Variants in LINGO2 observed in about 807,000 individuals in gnomAD.
LINGO2 encodes the protein leucine rich repeat and Ig domain containing 2.
Under a neutral mutation model 30.6 loss-of-function variants are expected in LINGO2, and 14 were observed. The ratio of observed to expected loss-of-function variants is 0.46; its 90% CI spans 0.30 to 0.72. LINGO2 has a LOEUF of 0.72. Among genes scored for constraint, LINGO2 ranks in the 30% least tolerant of loss-of-function variants. The pLI, the probability that LINGO2 is intolerant of heterozygous loss-of-function variation, is 0.07. For missense variants in LINGO2, 729 were observed against 751.7 expected (o/e 0.97, Z 0.35); for synonymous variants, 317 against 288.5 (o/e 1.10, Z -1.00).
At chr9:29,156,521 G>C in the LINGO2 span, among the ~76,000 whole-genome samples, 2 of 151,938 alleles carry the variant, frequency 1.3e-5, no homozygotes, top group Admixed American at 6.6e-5. Flanking sequence ...AATGTATTTT[G>C]GTACATGATT....
chr9:28,149,414 C>A (rs1827919899), intron 4 of LINGO2, among the ~76,000 whole-genome samples: 2 of 151,476 alleles, frequency 1.3e-5, no homozygotes, highest in Non-Finnish European at 2.9e-5. Flanking sequence ...GTAAGGAGCA[C>A]CTCTGCCCAG....
chr9:28,540,872 T>G (rs539665194), intron 1 of LINGO2, among the ~76,000 whole-genome samples: 1 of 152,202 alleles, frequency 6.6e-6, no homozygotes, highest in African/African-American at 2.4e-5. Flanking sequence ...GTACACCAAC[T>G]TAACCTACTG....
intron 4 of LINGO2, among the ~76,000 whole-genome samples, chr9:28,227,447 A>G (rs1821208875): frequency 6.6e-6 from 1 of 152,140 alleles, no homozygotes; most frequent in African/African-American, 2.4e-5. Context: ...TTAAAATAAG[A>G]ATGGTAAATT....
At chr9:28,541,924 G>A (rs1392317633) in intron 1 of LINGO2, among the ~76,000 whole-genome samples, 2 of 152,082 alleles carry the variant, frequency 1.3e-5, no homozygotes, top group Non-Finnish European at 2.9e-5. Context: ...AGCTGAGACA[G>A]GCTGTTTTCA....
the LINGO2 span, among the ~76,000 whole-genome samples, chr9:28,933,920 G>T: frequency 1.3e-5 from 2 of 152,202 alleles, no homozygotes; most frequent in East Asian, 3.9e-4. Context: ...TTATGGAAGT[G>T]TACTCCCATT....
the LINGO2 span, among the ~76,000 whole-genome samples, chr9:29,207,270 G>A: frequency 6.6e-5 from 10 of 152,052 alleles, no homozygotes; most frequent in Middle Eastern, 6.8e-3. Flanking sequence ...GAAGCTCACC[G>A]TTTCAAAATC....
the LINGO2 span, among the ~76,000 whole-genome samples, chr9:29,201,716 G>A: frequency 2.4e-4 from 36 of 152,074 alleles, no homozygotes; most frequent in African/African-American, 7.9e-4. Context: ...TTTATTAGTG[G>A]CTTTTAATTG....
At chr9:29,046,081 A>C in the LINGO2 span, among the ~76,000 whole-genome samples, 1 of 152,150 alleles carries the variant, frequency 6.6e-6, no homozygotes, top group East Asian at 1.9e-4. Flanking sequence ...TCATCTGCAA[A>C]CAGAGAGAGT....
upstream of LINGO2, among the ~76,000 whole-genome samples, chr9:28,673,114 T>A (rs1456696004): frequency 6.6e-6 from 1 of 151,924 alleles, no homozygotes; most frequent in Admixed American, 6.6e-5. Context: ...TAAAGGGGAG[T>A]TTAAGTAATA....
At chr9:28,278,637 C>A (rs1587377480) in intron 4 of LINGO2, among the ~76,000 whole-genome samples, 4 of 152,204 alleles carry the variant, frequency 2.6e-5, no homozygotes, top group East Asian at 1.9e-4. Flanking sequence ...TTGTTGAGAC[C>A]TACTGCTCAG....
At chr9:28,773,737 TAGATGTGG>T in the LINGO2 span, among the ~76,000 whole-genome samples, 3 of 152,088 alleles carry the variant, frequency 2.0e-5, no homozygotes, top group African/African-American at 7.2e-5. Flanking sequence ...TCACCAAAAT[TAGATGTGG>T]AGAGCAGGCT....
chr9:28,718,998 C>G, the LINGO2 span, among the ~76,000 whole-genome samples: 2 of 152,064 alleles, frequency 1.3e-5, no homozygotes, highest in Non-Finnish European at 2.9e-5. Context: ...TACTCAGACT[C>G]TGCAACTCCC....
At chr9:27,994,837 C>T (rs1171324940) in intron 5 of LINGO2, among the ~76,000 whole-genome samples, 5 of 152,148 alleles carry the variant, frequency 3.3e-5, no homozygotes, top group Non-Finnish European at 7.4e-5. Context: ...ATGCAGAACT[C>T]TCAGGGTGCT....
chr9:28,692,694 G>A, the LINGO2 span, among the ~76,000 whole-genome samples: 2 of 152,128 alleles, frequency 1.3e-5, no homozygotes, highest in East Asian at 1.9e-4. Context: ...TACCTACTCA[G>A]TGAAACCTTC....
intron 4 of LINGO2, among the ~76,000 whole-genome samples, chr9:28,219,798 A>G (rs1330023181): frequency 1.3e-5 from 2 of 152,192 alleles, no homozygotes; most frequent in African/African-American, 4.8e-5. Flanking sequence ...CAGACAAATT[A>G]TATTGTGAAA....
At chr9:29,081,929 G>C in the LINGO2 span, among the ~76,000 whole-genome samples, 1 of 151,958 alleles carries the variant, frequency 6.6e-6, no homozygotes, top group Non-Finnish European at 1.5e-5. Context: ...AAATAAAAGA[G>C]GACATAAACA....
chr9:28,750,850 G>T, the LINGO2 span, among the ~76,000 whole-genome samples: 1 of 152,046 alleles, frequency 6.6e-6, no homozygotes, highest in African/African-American at 2.4e-5. Context: ...TGAGCTCCTA[G>T]ATGTCTTGCT....
intron 2 of LINGO2, among the ~76,000 whole-genome samples, chr9:28,440,152 T>C (rs1298002508): frequency 6.6e-6 from 1 of 152,222 alleles, no homozygotes; most frequent in African/African-American, 2.4e-5. Context: ...AAAACCCTGA[T>C]ATTTATTATT....
chr9:28,035,961 G>T (rs1587737983), intron 4 of LINGO2, among the ~76,000 whole-genome samples: 1 of 152,036 alleles, frequency 6.6e-6, no homozygotes, highest in East Asian at 1.9e-4. Context: ...ACATGATGTG[G>T]TCATTCAATA....
Sources: allele counts gnomAD v4.1 joint callset (sites outside exome capture counted in the v4.1 genomes callset), GRCh38; gene constraint gnomAD v4.1.1; transcripts MANE v1.5; gene names NCBI Gene and HGNC (gene_info 2026-07-23, HGNC 2026-07-21).